ABCA8: variants seen among roughly 807,000 people sequenced by gnomAD.
ABCA8 encodes ATP binding cassette subfamily A member 8.
A neutral mutation model predicts 192.3 loss-of-function variants in ABCA8; 177 were observed. The ratio of observed to expected loss-of-function variants is 0.92; its 90% CI spans 0.81 to 1.04. ABCA8 has a LOEUF of 1.04. Among genes scored for constraint, ABCA8 ranks in the 50% least tolerant of loss-of-function variants. The pLI, the probability that ABCA8 is intolerant of heterozygous loss-of-function variation, is 0.00. For missense variants in ABCA8, 1,915 were observed against 1,904.8 expected, an observed-to-expected ratio of 1.01 and a Z score of -0.10; for synonymous variants, 642 against 690.2, an observed-to-expected ratio of 0.93 and a Z score of 1.09.
intron 19 of ABCA8, among the ~76,000 whole-genome samples, chr17:68,905,412 C>T (rs2067040970): frequency 6.6e-6 from 1 of 151,814 alleles, no homozygotes; most frequent in African/African-American, 2.4e-5. Context: ...AAAATATGGA[C>T]AATATTGAGA....
At chr17:68,930,434 C>T (rs183475834) in intron 7 of ABCA8, among the ~76,000 whole-genome samples, 100 of 152,212 alleles carry the variant, frequency 6.6e-4, no homozygotes, top group Admixed American at 2.5e-3. Flanking sequence ...CAGAATAATT[C>T]ACTTTCCTTT....
Position 68,924,836 on chromosome 17 carries a change from A to G in ABCA8, c.1307T>C (p.Phe436Ser), listed in dbSNP as rs374748200. Residue 436 changes from phenylalanine (F) to serine (S), a missense_variant, in exon 11 of 40, where the codon TTC becomes TCC. Phe to Ser is a radical substitution (Grantham distance 155). Transcript: ENST00000586539. ...TTGAGACCAAAATGAGGACTTCAGG[A>G]AAAACAAAGGTGGACGTCGATGTCC... ...EYGHRRPPLF[F>S]LKSSFWSQTQ... 9.3e-6 allele frequency: 15 copies of G among 1,613,990 alleles called. No homozygotes were observed. In the African/African-American group the frequency reaches 1.3e-4, roughly 14 times the overall value.
At chr17:68,926,494 C>A (rs569523947) in intron 10 of ABCA8, among the ~76,000 whole-genome samples, 23 of 151,886 alleles carry the variant, frequency 1.5e-4, no homozygotes, top group Admixed American at 3.9e-4. Context: ...AAAAGTAGAA[C>A]AGAGAAAATA....
chr17:68,910,602 T>C (rs899965878), intron 17 of ABCA8, among the ~76,000 whole-genome samples: 25 of 152,256 alleles, frequency 1.6e-4, no homozygotes, highest in Admixed American at 1.3e-3. Context: ...AGACACCAGC[T>C]GGAGCAGCCA....
intron 6 of ABCA8, 50 bp downstream of exon 6, chr17:68,933,118 A>G (rs771421359): frequency 1.9e-5 from 25 of 1,282,580 alleles, no homozygotes; most frequent in Non-Finnish European, 2.7e-5. Flanking sequence ...TGCCTCTAAT[A>G]TCATTAACTT....
intron 6 of ABCA8, among the ~76,000 whole-genome samples, 161 bp from the exon 7 acceptor site, chr17:68,932,675 G>A (rs2067937645): frequency 1.3e-5 from 2 of 152,118 alleles, no homozygotes; most frequent in Admixed American, 6.5e-5. Flanking sequence ...CTGGGACCTC[G>A]GAGTCCAGGC....
chr17:68,880,799 G>C, intron 32 of ABCA8: 1 of 343,814 alleles, frequency 2.9e-6, no homozygotes, highest in Non-Finnish European at 5.4e-6. Flanking sequence ...TGGGATCCAG[G>C]CTGGTGGCAT....
intron 7 of ABCA8, among the ~76,000 whole-genome samples, chr17:68,930,190 G>A (rs1334966768): frequency 6.6e-6 from 1 of 152,122 alleles, no homozygotes; most frequent in Non-Finnish European, 1.5e-5. Flanking sequence ...TAGCCCCTCA[G>A]TGAACCTCAG....
Position 68,877,554 on chromosome 17 carries a change from C to A in ABCA8, c.4164G>T (p.Gly1388=), listed in dbSNP as rs751839042. The A allele has an allele frequency of 1.2e-6, 2 of 1,613,800 alleles. No homozygotes were observed. Among genetic ancestry groups the A allele is most frequent in the African/African-American group, 1.3e-5 (1 of 74,872 alleles). Residue 1388 remains glycine (G), a synonymous_variant, in exon 33 of 40, where the codon GGG becomes GGT. Transcript: ENST00000586539. The stretch of plus-strand genomic sequence containing the variant: ...CAACCTCAGCATCCCCTTTCCTCAG[C>A]CCTTTCACGGCGGCGTACACCTCCA... The part of the protein sequence containing the change: ...QHLEVYAAVK[G]LRKGDAEVAI...
chr17:68,945,349 C>T (rs531664599), intron 2 of ABCA8, among the ~76,000 whole-genome samples: 77 of 151,696 alleles, frequency 5.1e-4, no homozygotes, highest in African/African-American at 1.8e-3. Flanking sequence ...TTTTGTCATA[C>T]CTATTTGCAG....
intron 2 of ABCA8, among the ~76,000 whole-genome samples, chr17:68,946,123 A>G (rs1424937759): frequency 6.6e-6 from 1 of 152,000 alleles, no homozygotes; most frequent in Non-Finnish European, 1.5e-5. Flanking sequence ...GCTAGAGTGC[A>G]GGGGCGCCAT....
intron 16 of ABCA8, among the ~76,000 whole-genome samples, 180 bp downstream of exon 16, chr17:68,917,867 G>T (rs895972323): frequency 3.7e-4 from 56 of 152,240 alleles, no homozygotes; most frequent in African/African-American, 1.3e-3. Context: ...ACAAAATTCT[G>T]CAAGATACAC....
intron 17 of ABCA8, among the ~76,000 whole-genome samples, chr17:68,914,086 T>C (rs1415734153): frequency 6.6e-6 from 1 of 152,054 alleles, no homozygotes; most frequent in African/African-American, 2.4e-5. Context: ...GAAAAAGCAA[T>C]TGATAAAATT....
chr17:68,894,384 T>C (rs1381284477), intron 22 of ABCA8, 74 bp from the exon 23 acceptor site: 5 of 1,337,312 alleles, frequency 3.7e-6, no homozygotes, highest in Non-Finnish European at 5.1e-6. Flanking sequence ...AAATTTGACA[T>C]GTTAAATTAA....
intron 2 of ABCA8, chr17:68,944,385 A>G (rs1458485091): frequency 7.5e-6 from 1 of 132,502 alleles, no homozygotes; most frequent in Non-Finnish European, 1.6e-5. Flanking sequence ...TATGCAAACA[A>G]GAGACCTGAA....
At chr17:68,881,296 A>C (rs2066328971) in intron 31 of ABCA8, 85 bp from the exon 32 acceptor site, 1 of 957,120 alleles carries the variant, frequency 1.0e-6, no homozygotes, top group Admixed American at 2.2e-5. Context: ...CTATGTGACA[A>C]GCATTTGCTA....
At chr17:68,943,285 A>C (rs1292089675) in intron 2 of ABCA8, among the ~76,000 whole-genome samples, 1 of 152,122 alleles carries the variant, frequency 6.6e-6, no homozygotes, top group Admixed American at 6.5e-5. Flanking sequence ...CATCTTTAAG[A>C]ATTTATTTAT....
chr17:68,906,579 T>G (rs2143516866), intron 18 of ABCA8, among the ~76,000 whole-genome samples: 1 of 152,266 alleles, frequency 6.6e-6, no homozygotes, highest in South Asian at 2.1e-4. Context: ...ATTAATTTTT[T>G]GAGAATTAAT....
intron 5 of ABCA8, among the ~76,000 whole-genome samples, chr17:68,936,343 G>T (rs2068064859): frequency 6.6e-6 from 1 of 151,992 alleles, no homozygotes; most frequent in Admixed American, 6.6e-5. Context: ...TCCATCTTGA[G>T]TTAATTTTTG....
Sources: gnomAD v4.1 joint callset for allele counts (sites outside exome capture counted in the v4.1 genomes callset) on GRCh38, gnomAD v4.1.1 for gene constraint, MANE v1.5 for transcripts, NCBI Gene and HGNC (gene_info 2026-07-23, HGNC 2026-07-21) for gene names.